Variants in ARHGEF3 observed in about 807,000 individuals in gnomAD.
The protein encoded by ARHGEF3 is 59.8 kDA protein.
Under a neutral mutation model 63.2 loss-of-function variants are expected in ARHGEF3, and 28 were observed. That is an observed-to-expected ratio of 0.44 (90% CI 0.33 to 0.61). The LOEUF is 0.61. Ranked by LOEUF, ARHGEF3 falls within the 20% of genes least tolerant of loss-of-function variation. ARHGEF3 has a pLI of 0.03. For synonymous variants in ARHGEF3, 266 were observed against 254.2 expected (o/e 1.05, Z -0.44); for missense variants, 533 against 659.3 (o/e 0.81, Z 2.10).
At chr3:57,052,881 C>T (rs2107310234) in intron 1 of ARHGEF3, among the ~76,000 whole-genome samples, 1 of 152,194 alleles carries the variant, frequency 6.6e-6, no homozygotes, top group East Asian at 2.0e-4. Context: ...CACCATGGCC[C>T]ATCCAGCTTG....
chr3:56,782,751 C>T (rs187474809), intron 1 of ARHGEF3, among the ~76,000 whole-genome samples: 18 of 152,064 alleles, frequency 1.2e-4, no homozygotes, highest in Admixed American at 5.9e-4. Context: ...TTAGTTCAGT[C>T]TCAAACCCAA....
chr3:56,992,024 C>CTCTCTG lies in ARHGEF3; in HGVS notation c.63-33136_63-33135insCAGAGA, dbSNP rs1239113895. Among the ~76,000 whole-genome samples, 318 of 131,706 alleles carry CTCTCTG rather than the reference C, an allele frequency of 2.4e-3. 8 individuals are homozygous for CTCTCTG. Among genetic ancestry groups the CTCTCTG allele is most frequent in the African/African-American group, 8.4e-3 (290 of 34,444 alleles). The allele number at this position is 131,706 out of a possible 152,430, so 86.4% of individuals were successfully genotyped here. On this transcript the variant is annotated intron_variant, in intron 2 of 12. Coordinates refer to the ARHGEF3 transcript ENST00000338458. Reference sequence around the variant, plus strand: ...TCTCACTCTCTCTCCCCTCCTCTCTCTGTGTGTGTGTGTGTGTGTGTGTGT... The same window carrying CTCTCTG: ...TCTCACTCTCTCTCCCCTCCTCTCTCTCTCTGTGTGTGTGTGTGTGTGTGTGTGTGT...
intron 4 of ARHGEF3, among the ~76,000 whole-genome samples, chr3:56,817,372 A>G (rs1247251385): frequency 6.6e-6 from 1 of 152,198 alleles, no homozygotes; most frequent in South Asian, 2.1e-4. Context: ...CCAACCAACC[A>G]GTTGGAAAGA....
intron 3 of ARHGEF3, among the ~76,000 whole-genome samples, chr3:56,912,016 G>A (rs2041867063): frequency 6.6e-6 from 1 of 151,452 alleles, no homozygotes; most frequent in Non-Finnish European, 1.5e-5. Flanking sequence ...TTCATAAGCA[G>A]AATAAAGTAG....
intron 1 of ARHGEF3, among the ~76,000 whole-genome samples, chr3:57,069,263 C>T (rs973781854): frequency 2.0e-5 from 3 of 152,046 alleles, no homozygotes; most frequent in Non-Finnish European, 2.9e-5. Flanking sequence ...TATTCTATTG[C>T]ATGTAAGTTT....
At position 56,783,830 on chromosome 3, in the gene ARHGEF3, A is replaced by T. The variant is rs538130883; in HGVS notation, c.97-10014T>A. Among the ~76,000 whole-genome samples, 3 of 152,322 alleles carry T rather than the reference A, an allele frequency of 2.0e-5. No homozygotes were observed. In the South Asian group the frequency reaches 6.2e-4, roughly 32 times the overall value. The stretch of plus-strand genomic sequence containing the variant: ...AACATTTGTCCTGGCAGCAAGCCCA[A>T]ATCTGTTATTTTATTAGTCTGCTAC... On this transcript the variant is annotated intron_variant, in intron 1 of 9. Transcript: ENST00000296315.
intron 1 of ARHGEF3, among the ~76,000 whole-genome samples, chr3:57,064,005 G>A (rs368433529): frequency 2.6e-5 from 4 of 152,350 alleles, no homozygotes; most frequent in Middle Eastern, 3.4e-3. Flanking sequence ...GCTGGCTCAC[G>A]CCTGTAATCC....
At chr3:56,733,512 C>A (rs1294710688) in intron 8 of ARHGEF3, among the ~76,000 whole-genome samples, 1 of 151,480 alleles carries the variant, frequency 6.6e-6, no homozygotes, top group African/African-American at 2.4e-5. Flanking sequence ...TCAAAATTAA[C>A]AATAGTCTAT....
chr3:56,751,866 T>C (rs899197827), intron 4 of ARHGEF3, among the ~76,000 whole-genome samples: 2 of 152,160 alleles, frequency 1.3e-5, no homozygotes, highest in Non-Finnish European at 1.5e-5. Flanking sequence ...GCAAAGGTGA[T>C]AATCCTATCA....
intron 2 of ARHGEF3, among the ~76,000 whole-genome samples, chr3:57,027,683 T>C (rs1413061542): frequency 6.6e-6 from 1 of 152,026 alleles, no homozygotes; most frequent in African/African-American, 2.4e-5. Context: ...GGTGAAACCC[T>C]TTTTCTACTA....
intron 1 of ARHGEF3, among the ~76,000 whole-genome samples, chr3:57,037,113 T>A (rs1703995451): frequency 2.6e-5 from 4 of 152,192 alleles, no homozygotes; most frequent in Admixed American, 2.6e-4. Context: ...CTGGCTTCCA[T>A]CAGAGCTAAC....
chr3:56,800,715 T>G (rs1265254913), intron 1 of ARHGEF3, among the ~76,000 whole-genome samples: 1 of 152,020 alleles, frequency 6.6e-6, no homozygotes, highest in Non-Finnish European at 1.5e-5. Flanking sequence ...CTTTCCCCAG[T>G]GGTGGTGGTG....
At chr3:56,823,832 C>T (rs2038608456) in intron 4 of ARHGEF3, among the ~76,000 whole-genome samples, 1 of 152,008 alleles carries the variant, frequency 6.6e-6, no homozygotes, top group Non-Finnish European at 1.5e-5. Flanking sequence ...TGAGCCAAAC[C>T]ACATGACCAT....
At chr3:56,942,641 A>G (rs1320879118) in intron 3 of ARHGEF3, among the ~76,000 whole-genome samples, 1 of 152,224 alleles carries the variant, frequency 6.6e-6, no homozygotes, top group African/African-American at 2.4e-5. Flanking sequence ...ACTTTAAGTC[A>G]AAAGCTAGAA....
chr3:56,976,042 T>C (rs949011014), intron 2 of ARHGEF3, among the ~76,000 whole-genome samples: 1 of 152,126 alleles, frequency 6.6e-6, no homozygotes, highest in African/African-American at 2.4e-5. Context: ...TTAGAAGGTG[T>C]TTTTTGTTGT....
At chr3:56,993,306 G>C (rs148327823) in intron 2 of ARHGEF3, among the ~76,000 whole-genome samples, 146 of 152,270 alleles carry the variant, frequency 9.6e-4, no homozygotes, top group African/African-American at 3.4e-3. Flanking sequence ...ATTAGCAATG[G>C]GAGCAGGAAG....
chr3:56,885,910 T>C (rs113396069), intron 3 of ARHGEF3, among the ~76,000 whole-genome samples: 3,401 of 152,322 alleles, frequency 0.022, 127 homozygotes, highest in African/African-American at 0.077. Flanking sequence ...AACTCTGGGC[T>C]CAGAACGAAA....
At chr3:56,995,636 AG>A (rs1701947479) in intron 2 of ARHGEF3, among the ~76,000 whole-genome samples, 1 of 85,544 alleles carries the variant, frequency 1.2e-5, no homozygotes, top group East Asian at 6.5e-4. Context: ...AGAGAGAGAG[AG>A]AGAGAGAGAG....
chr3:56,805,050 G>T (rs1486213474), upstream of ARHGEF3, among the ~76,000 whole-genome samples: 1 of 152,128 alleles, frequency 6.6e-6, no homozygotes, highest in Non-Finnish European at 1.5e-5. Flanking sequence ...TTGACTCCCA[G>T]AAGAGCTTGC....
Sources: gnomAD v4.1 joint callset for allele counts (sites outside exome capture counted in the v4.1 genomes callset) on GRCh38, gnomAD v4.1.1 for gene constraint, MANE v1.5 for transcripts, NCBI Gene and HGNC (gene_info 2026-07-23, HGNC 2026-07-21) for gene names.